LPP: variants seen among roughly 807,000 people sequenced by gnomAD.
The protein encoded by LPP is lipoma-preferred partner.
Under a neutral mutation model 60.4 loss-of-function variants are expected in LPP, and 38 were observed. The observed-to-expected ratio is 0.63, with a 90% CI of 0.49 to 0.83. The LOEUF is 0.83. Among genes scored for constraint, LPP ranks in the 40% least tolerant of loss-of-function variants. LPP has a pLI of 0.00. For synonymous variants in LPP, 328 were observed against 290.8 expected, an observed-to-expected ratio of 1.13 and a Z score of -1.30; for missense variants, 902 against 783.6, an observed-to-expected ratio of 1.15 and a Z score of -1.80.
At chr3:188,232,810 A>G (rs1328065093) in intron 2 of LPP, among the ~76,000 whole-genome samples, 1 of 151,620 alleles carries the variant, frequency 6.6e-6, no homozygotes, top group African/African-American at 2.4e-5. Context: ...TACCTAGTTC[A>G]CTTAGTTTTT....
intron 7 of LPP, among the ~76,000 whole-genome samples, chr3:188,651,393 C>T (rs1306055202): frequency 6.6e-6 from 1 of 152,164 alleles, no homozygotes; most frequent in African/African-American, 2.4e-5. Flanking sequence ...TATCATAAAA[C>T]AGTAGAAACT....
In LPP at chr3:188,341,675, C is replaced by T. The variant is rs973409255; in HGVS notation, c.-54C>T. The T allele has an allele frequency of 7.1e-6, 7 of 984,548 alleles. No homozygotes were observed. The highest frequency in any genetic ancestry group is 6.1e-5 in the Admixed American group (1 of 16,262). The allele number at this position is 984,548 out of a possible 1,614,324, so 61.0% of individuals were successfully genotyped here. A position where few individuals can be genotyped will look rare whatever the true frequency, so the allele number is the denominator to read the frequency against. ...TTGTAAACACTAGCATTGCAGTTGG[C>T]TGAACCTTGTGTCAACCATCCATTC... is the stretch of plus-strand genomic sequence containing the variant. On this transcript the variant is annotated 5_prime_UTR_variant, in exon 3 of 12. Coordinates refer to ENST00000617246, the MANE Select transcript of LPP (RefSeq NM_001375462.1).
intron 6 of LPP, among the ~76,000 whole-genome samples, chr3:188,530,999 AC>A (rs1193859781): frequency 2.0e-5 from 3 of 152,198 alleles, no homozygotes; most frequent in Admixed American, 6.5e-5. Flanking sequence ...GAGTTAGGGT[AC>A]AGTATTCATC....
At chr3:188,476,196 G>A (rs977195018) in intron 4 of LPP, among the ~76,000 whole-genome samples, 6 of 152,286 alleles carry the variant, frequency 3.9e-5, no homozygotes, top group African/African-American at 1.4e-4. Flanking sequence ...GGGCTTCGTG[G>A]AGAAGCACAC....
intron 6 of LPP, among the ~76,000 whole-genome samples, chr3:188,526,926 T>C (rs1488767573): frequency 2.6e-5 from 4 of 152,126 alleles, no homozygotes; most frequent in Admixed American, 2.0e-4. Flanking sequence ...ACAAAGAAGA[T>C]AGTGATATAT....
intron 2 of LPP, among the ~76,000 whole-genome samples, chr3:188,336,935 G>C (rs867431837): frequency 9.9e-5 from 15 of 152,150 alleles, no homozygotes; most frequent in African/African-American, 2.2e-4. Context: ...TTTCTAGGCA[G>C]CCCAGGTACC....
intron 8 of LPP, among the ~76,000 whole-genome samples, chr3:188,733,754 G>C (rs918417842): frequency 6.6e-6 from 1 of 151,340 alleles, no homozygotes; most frequent in Non-Finnish European, 1.5e-5. Context: ...GTGATTATTA[G>C]GCTACTGAAG....
Position 188,282,522 on chromosome 3 carries a change from G to A in LPP, c.-67+56995G>A, listed in dbSNP as rs370355990. The stretch of plus-strand genomic sequence containing the variant: ...GGTGGGGTGCTCCTAAGAGCAGTGA[G>A]CTCAGAGCCTCTGTCTTGAGACTTG... On this transcript the variant is annotated intron_variant, in intron 2 of 11. Coordinates refer to ENST00000617246, the MANE Select transcript of LPP (RefSeq NM_001375462.1). 5.3e-5 allele frequency among the ~76,000 whole-genome samples: 8 copies of A among 152,282 alleles called. No individual in the cohort carries two copies. In the South Asian group the frequency reaches 8.3e-4, roughly 16 times the overall value.
chr3:188,397,846 T>G (rs1399995471), intron 3 of LPP, among the ~76,000 whole-genome samples: 1 of 152,074 alleles, frequency 6.6e-6, no homozygotes, highest in Non-Finnish European at 1.5e-5. Context: ...ACTCCTGACC[T>G]CAAACGATCT....
At chr3:188,514,338 T>C (rs771150130) in intron 5 of LPP, among the ~76,000 whole-genome samples, 18 of 152,278 alleles carry the variant, frequency 1.2e-4, no homozygotes, top group Non-Finnish European at 2.4e-4. Context: ...ACTTCCTACC[T>C]CCTGTTGTAT....
At chr3:188,687,692 T>C (rs7623253) in intron 7 of LPP, among the ~76,000 whole-genome samples, 61,855 of 151,598 alleles carry the variant, frequency 0.41, 13,832 homozygotes, top group Middle Eastern at 0.6. Flanking sequence ...CAATGACCCT[T>C]TCTTACTGAC....
intron 2 of LPP, among the ~76,000 whole-genome samples, chr3:188,256,595 G>A (rs947312425): frequency 2.0e-5 from 3 of 152,082 alleles, no homozygotes; most frequent in African/African-American, 4.8e-5. Context: ...TAAATTAAAA[G>A]TAGAGTGTCT....
At chr3:188,329,649 T>C (rs148947531) in intron 2 of LPP, among the ~76,000 whole-genome samples, 5,890 of 152,292 alleles carry the variant, frequency 0.039, 160 homozygotes, top group Non-Finnish European at 0.059. Context: ...TTTTAAAAAA[T>C]GTTAAACCTT....
chr3:188,865,139 A>G (rs1030661236), intron 9 of LPP, among the ~76,000 whole-genome samples: 1 of 152,234 alleles, frequency 6.6e-6, no homozygotes, highest in Non-Finnish European at 1.5e-5. Flanking sequence ...CAGATACCTC[A>G]GTTGTAATAT....
intron 4 of LPP, among the ~76,000 whole-genome samples, chr3:188,434,775 G>A (rs1791892665): frequency 6.6e-6 from 1 of 152,180 alleles, no homozygotes; most frequent in Non-Finnish European, 1.5e-5. Flanking sequence ...TGAGCCTGGG[G>A]TCAATGATGG....
At chr3:188,581,384 G>A (rs1836057686) in intron 6 of LPP, among the ~76,000 whole-genome samples, 1 of 152,208 alleles carries the variant, frequency 6.6e-6, no homozygotes, top group South Asian at 2.1e-4. Flanking sequence ...AACCACAGTG[G>A]GTCAGACAGT....
rs760058728 is a variant in LPP at position 188,407,768 on chromosome 3, GTTTTT to G, written c.193+1462_193+1466del. On this transcript the variant is annotated intron_variant, in intron 4 of 11. Coordinates refer to ENST00000617246, the MANE Select transcript of LPP (RefSeq NM_001375462.1). ...CCATATGTTGGCTTCCTCATTTATG[GTTTTT>G]TTTTTTGTTTGTTTGTTTTTTTTTT... 3.0e-3 allele frequency among the ~76,000 whole-genome samples: 182 copies of G among 61,290 alleles called. 5 individuals are homozygous for G. Among genetic ancestry groups the G allele is most frequent in the East Asian group, 0.02 (25 of 1,224 alleles). 40.2% of individuals were successfully genotyped at this position (61,290 alleles called of 152,430 possible).
chr3:188,260,540 A>G (rs1380072507), intron 2 of LPP, among the ~76,000 whole-genome samples: 1 of 151,878 alleles, frequency 6.6e-6, no homozygotes, highest in Admixed American at 6.6e-5. Context: ...AATTGTCACT[A>G]TTGTCACTGA....
intron 7 of LPP, among the ~76,000 whole-genome samples, chr3:188,664,984 C>T (rs922013834): frequency 4.6e-5 from 7 of 152,146 alleles, no homozygotes; most frequent in Admixed American, 1.3e-4. Context: ...ATCTTCCCCA[C>T]ACACCCAGTG....
Sources: allele counts gnomAD v4.1 joint callset (sites outside exome capture counted in the v4.1 genomes callset), GRCh38; gene constraint gnomAD v4.1.1; transcripts MANE v1.5; gene names NCBI Gene and HGNC (gene_info 2026-07-23, HGNC 2026-07-21).